ACACA: variants seen among roughly 807,000 people sequenced by gnomAD.
The protein encoded by ACACA is acetyl-CoA carboxylase 1.
In ACACA, 103 loss-of-function variants were observed where a neutral mutation model predicts 296.1. That is an observed-to-expected ratio of 0.35 (90% CI 0.30 to 0.41). ACACA has a LOEUF of 0.41. ACACA is among the 10% of genes least tolerant of loss of function. The pLI, the probability that ACACA is intolerant of heterozygous loss-of-function variation, is 1.00. For synonymous variants in ACACA, 953 were observed against 1,038.6 expected (o/e 0.92, Z 1.58); for missense variants, 1,554 against 2,989.7 (o/e 0.52, Z 11.20).
At chr17:37,321,562 A>C (rs1418640950) in intron 3 of ACACA, among the ~76,000 whole-genome samples, 1 of 152,066 alleles carries the variant, frequency 6.6e-6, no homozygotes, top group Non-Finnish European at 1.5e-5. Flanking sequence ...ATCCTGGCTA[A>C]CACAGAGAAA....
chr17:37,257,951 A>G, intron 13 of ACACA, 85 bp from the exon 14 acceptor site: 1 of 1,517,186 alleles, frequency 6.6e-7, no homozygotes, highest in South Asian at 1.1e-5. Flanking sequence ...TTCTCTGTTA[A>G]TCACACACAG....
At position 37,359,161 on chromosome 17, in the gene ACACA, C is replaced by CCCCCG. The variant is rs947483262; in HGVS notation, c.39-19316_39-19312dup. The CCCCCG allele has an allele frequency of 3.3e-5, 32 of 982,846 alleles. No individual in the cohort carries two copies. In the East Asian group the frequency reaches 1.0e-3, roughly 32 times the overall value. The allele number at this position is 982,846 out of a possible 1,614,324, so 60.9% of individuals were successfully genotyped here. ...GGCGGGGCTTCAGGGGCCTGACCCG[C>CCCCCG]CCCCGCCCCGCCCCTGTCTCCCACC... On this transcript the variant is annotated intron_variant, in intron 1 of 55. Coordinates refer to ENST00000616317, the MANE Select transcript of ACACA (RefSeq NM_198834.3).
rs371125603 is a variant in ACACA at position 37,259,291 on chromosome 17, C to G, written c.1500+69G>C. 470 of 1,573,012 alleles carry G rather than the reference C, an allele frequency of 3.0e-4. 5 individuals are homozygous for G. In the South Asian group the frequency reaches 4.9e-3, roughly 16 times the overall value. On this transcript the variant is annotated intron_variant, in intron 12 of 55. Coordinates refer to ENST00000616317, the MANE Select transcript of ACACA (RefSeq NM_198834.3). The stretch of plus-strand genomic sequence containing the variant: ...GGAGGTGCTTTTCTCTTATCACACA[C>G]TGGTTAAACCCATTTTTCAGGCCTC...
intron 1 of ACACA, among the ~76,000 whole-genome samples, chr17:37,401,560 CCTTT>C (rs1200781984): frequency 1.1e-5 from 1 of 91,116 alleles, no homozygotes; most frequent in African/African-American, 5.2e-5. Flanking sequence ...TGTCTCTTTA[CCTTT>C]TTTTTTTTTT....
chr17:37,247,370 A>ATTTTTTTTT (rs1555613954), intron 18 of ACACA, among the ~76,000 whole-genome samples: 1 of 107,634 alleles, frequency 9.3e-6, no homozygotes, highest in African/African-American at 5.8e-5. Context: ...ACATTTGTGA[A>ATTTTTTTTT]TTTCTTTTTT....
intron 52 of ACACA, among the ~76,000 whole-genome samples, chr17:37,102,199 CTTTTTTT>C (rs35050543): frequency 9.4e-6 from 1 of 106,092 alleles, no homozygotes; most frequent in African/African-American, 3.9e-5. Context: ...GCATCCAGCT[CTTTTTTT>C]TTTTTTTTTT....
chr17:37,087,100 A>T lies in ACACA; in HGVS notation c.*216T>A. 1.5e-6 allele frequency: 1 copy of T among 658,990 alleles called. No individual in the cohort carries two copies. The highest frequency in any genetic ancestry group is 2.7e-6 in the Non-Finnish European group (1 of 375,166). The allele number at this position is 658,990 out of a possible 1,614,324, so 40.8% of individuals were successfully genotyped here. A position where few individuals can be genotyped will look rare whatever the true frequency, so the allele number is the denominator to read the frequency against. On this transcript the variant is annotated 3_prime_UTR_variant, in exon 56 of 56. Transcript: ENST00000616317. ...GGACTAGGCCTGGCCAGGGTAATAA[A>T]TACTGAATGGGGTAGGTGTGACTGG... is the stretch of plus-strand genomic sequence containing the variant.
At chr17:37,329,009 T>A (rs1287053342) in intron 3 of ACACA, 2 of 398,426 alleles carry the variant, frequency 5.0e-6, no homozygotes, top group Non-Finnish European at 8.8e-6. Context: ...TGACCAAAGG[T>A]TAGTATCTCA....
intron 1 of ACACA, chr17:37,386,829 T>G (rs2050555726): frequency 6.6e-6 from 1 of 152,314 alleles, no homozygotes; most frequent in Non-Finnish European, 1.5e-5. Context: ...CTTTTTCTTT[T>G]TTTTTTTTTG....
rs376742254 is a variant in ACACA at position 37,207,835 on chromosome 17, G to A, written c.3708-35C>T. 2.3e-5 allele frequency: 37 copies of A among 1,610,476 alleles called. No homozygotes were observed. In the African/African-American group the frequency reaches 4.8e-4, roughly 21 times the overall value. On this transcript the variant is annotated intron_variant, in intron 30 of 55. Transcript: ENST00000616317. ...AATTCAATCACGTTCATTAGACAAGGAGGGTAGGAGCAAGGACTGGGAAAG... is the reference window on the plus strand; with the variant it reads ...AATTCAATCACGTTCATTAGACAAGAAGGGTAGGAGCAAGGACTGGGAAAG...
At chr17:37,260,062 G>A (rs1598338612) in intron 11 of ACACA, among the ~76,000 whole-genome samples, 1 of 148,730 alleles carries the variant, frequency 6.7e-6, no homozygotes, top group African/African-American at 2.5e-5. Flanking sequence ...TTGTATTTTT[G>A]GTAGAGATGG....
intron 1 of ACACA, among the ~76,000 whole-genome samples, chr17:37,362,488 A>G (rs770161387): frequency 1.1e-4 from 16 of 152,224 alleles, no homozygotes; most frequent in South Asian, 2.1e-4. Context: ...CACTCTTTAG[A>G]TGATAGCCAT....
At chr17:37,215,424 T>C (rs2078938268) in intron 29 of ACACA, among the ~76,000 whole-genome samples, 1 of 152,212 alleles carries the variant, frequency 6.6e-6, no homozygotes. Context: ...CTAGCGTATA[T>C]TAATTATAAA....
chr17:37,142,727 C>T (rs147559334), intron 45 of ACACA, among the ~76,000 whole-genome samples: 1 of 152,178 alleles, frequency 6.6e-6, no homozygotes, highest in Non-Finnish European at 1.5e-5. Flanking sequence ...AGATGACTGA[C>T]ATATATACTA....
chr17:37,321,074 T>C (rs1434365065), intron 3 of ACACA, among the ~76,000 whole-genome samples: 2 of 152,138 alleles, frequency 1.3e-5, no homozygotes, highest in Admixed American at 6.6e-5. Context: ...AGTAAAGCAC[T>C]TATTAAATGT....
chr17:37,270,948 C>A (rs2146396408), intron 9 of ACACA, 87 bp from the exon 10 acceptor site: 5 of 911,222 alleles, frequency 5.5e-6, no homozygotes, highest in Middle Eastern at 4.4e-4. Context: ...TTTAAGAATG[C>A]AGTCATTTAG....
At chr17:37,280,931 T>G (rs182154867) in intron 5 of ACACA, among the ~76,000 whole-genome samples, 1 of 152,180 alleles carries the variant, frequency 6.6e-6, no homozygotes, top group Non-Finnish European at 1.5e-5. Context: ...ACCACTTGTG[T>G]CATACCTTTA....
intron 49 of ACACA, 136 bp downstream of exon 49, chr17:37,122,395 T>C (rs1417449768): frequency 1.3e-6 from 1 of 787,746 alleles, no homozygotes; most frequent in Non-Finnish European, 2.3e-6. Context: ...GAGCACATGA[T>C]GTTCTAAAAT....
At chr17:37,393,167 A>AT (rs1032730859) in intron 1 of ACACA, among the ~76,000 whole-genome samples, 9 of 151,854 alleles carry the variant, frequency 5.9e-5, no homozygotes, top group African/African-American at 2.2e-4. Flanking sequence ...AGAAAAAAAA[A>AT]AGAACCTCTA....
Sources: allele counts gnomAD v4.1 joint callset (sites outside exome capture counted in the v4.1 genomes callset), GRCh38; gene constraint gnomAD v4.1.1; transcripts MANE v1.5; gene names NCBI Gene and HGNC (gene_info 2026-07-23, HGNC 2026-07-21).